Variants in TSHZ1 observed in about 807,000 individuals in gnomAD.
TSHZ1 encodes the protein teashirt zinc finger homeobox 1.
Under a neutral mutation model 67.1 loss-of-function variants are expected in TSHZ1, and 12 were observed. The observed-to-expected ratio is 0.18, with a 90% confidence interval of 0.11 to 0.29. The LOEUF is 0.29. Ranked by LOEUF, TSHZ1 falls within the 10% of genes least tolerant of loss-of-function variation. The probability of loss-of-function intolerance (pLI) is 1.00; values close to 1 mark genes in which losing one functional copy is unlikely to be tolerated. For missense variants in TSHZ1, 1,305 were observed against 1,413.9 expected, an observed-to-expected ratio of 0.92 and a Z score of 1.23; for synonymous variants, 632 against 622.4, an observed-to-expected ratio of 1.02 and a Z score of -0.23.
At chr18:75,239,154 C>T (rs1217177839) in intron 1 of TSHZ1, among the ~76,000 whole-genome samples, 1 of 152,240 alleles carries the variant, frequency 6.6e-6, no homozygotes, top group Non-Finnish European at 1.5e-5. Context: ...GACACAGGGT[C>T]CCCAGGGCTC....
chr18:75,263,157 C>G (rs1212092048), intron 1 of TSHZ1, among the ~76,000 whole-genome samples: 1 of 152,084 alleles, frequency 6.6e-6, no homozygotes, highest in Admixed American at 6.5e-5. Flanking sequence ...AAACATGTTA[C>G]TTGTGGTCAT....
chr18:75,225,750 G>A (rs2022917379), intron 1 of TSHZ1, among the ~76,000 whole-genome samples: 2 of 150,906 alleles, frequency 1.3e-5, no homozygotes, highest in Admixed American at 6.6e-5. Flanking sequence ...TCGGTGGCGG[G>A]TTTTACTTAA....
In TSHZ1 at chr18:75,232,123, GGCT is replaced by G. The variant is rs530385323; in HGVS notation, c.40+20209_40+20211del. Among the ~76,000 whole-genome samples, 11 of 150,346 alleles carry G rather than the reference GGCT, an allele frequency of 7.3e-5. No individual in the cohort carries two copies. In the East Asian group the frequency reaches 2.1e-3, roughly 29 times the overall value. On this transcript the variant is annotated intron_variant, in intron 1 of 1. Coordinates refer to ENST00000580243, the MANE Select transcript of TSHZ1 (RefSeq NM_001308210.2). Reference sequence around the variant, plus strand: ...TGACAGGGTTTCTCCATGTTTGTCAGGCTGGTCTCGAACTCCTGACCTTGGGCG... The same window carrying G: ...TGACAGGGTTTCTCCATGTTTGTCAGGGTCTCGAACTCCTGACCTTGGGCG...
At chr18:75,237,849 G>T (rs2023097736) in intron 1 of TSHZ1, among the ~76,000 whole-genome samples, 1 of 150,038 alleles carries the variant, frequency 6.7e-6, no homozygotes, top group African/African-American at 2.4e-5. Context: ...TTTCACTCTT[G>T]TTGCCCAGGC....
intron 1 of TSHZ1, among the ~76,000 whole-genome samples, chr18:75,278,370 G>A (rs1212270263): frequency 6.6e-6 from 1 of 152,182 alleles, no homozygotes; most frequent in African/African-American, 2.4e-5. Context: ...CAAGGTGCTG[G>A]GTTGCTCCTG....
rs920115356 is a variant in TSHZ1 at position 75,273,182 on chromosome 18, A to G, written c.41-12266A>G. Among the ~76,000 whole-genome samples, 5 of 152,334 alleles carry G rather than the reference A, an allele frequency of 3.3e-5. 1 individual carries two copies. Among genetic ancestry groups the G allele is most frequent in the Admixed American group, 6.5e-5 (1 of 15,294 alleles). On this transcript the variant is annotated intron_variant, in intron 1 of 1. Coordinates refer to ENST00000580243, the MANE Select transcript of TSHZ1 (RefSeq NM_001308210.2). The stretch of plus-strand genomic sequence containing the variant: ...TTCAGCTCTTTAGCAAAGCACCCAC[A>G]CTTGTTCATCTATCCACAGAGCAGC...
chr18:75,264,143 T>C (rs979102978), intron 1 of TSHZ1, among the ~76,000 whole-genome samples: 2 of 152,244 alleles, frequency 1.3e-5, no homozygotes, highest in Non-Finnish European at 2.9e-5. Context: ...ATTTATAAGA[T>C]GATAGTACAA....
At chr18:75,266,530 T>G (rs2023492613) in intron 1 of TSHZ1, among the ~76,000 whole-genome samples, 1 of 152,188 alleles carries the variant, frequency 6.6e-6, no homozygotes, top group Non-Finnish European at 1.5e-5. Flanking sequence ...TAATAGTAAT[T>G]AATGCAGTCC....
At chr18:75,259,283 G>T (rs187645531) in intron 1 of TSHZ1, among the ~76,000 whole-genome samples, 1 of 152,284 alleles carries the variant, frequency 6.6e-6, no homozygotes, top group African/African-American at 2.4e-5. Flanking sequence ...AGTGGCCATT[G>T]CAGTAGCTGC....
chr18:75,273,043 A>T (rs566058708), intron 1 of TSHZ1, among the ~76,000 whole-genome samples: 24 of 152,096 alleles, frequency 1.6e-4, no homozygotes, highest in Admixed American at 5.2e-4. Flanking sequence ...GGGTACAGGG[A>T]TGTTCCATAG....
chr18:75,279,078 T>C (rs1318287655), intron 1 of TSHZ1, among the ~76,000 whole-genome samples: 1 of 151,928 alleles, frequency 6.6e-6, no homozygotes, highest in Non-Finnish European at 1.5e-5. Flanking sequence ...GCCCCTGGCC[T>C]GGGGTGGTGG....
chr18:75,271,811 T>C (rs1339723801), intron 1 of TSHZ1, among the ~76,000 whole-genome samples: 1 of 136,864 alleles, frequency 7.3e-6, no homozygotes, highest in East Asian at 2.5e-4. Flanking sequence ...TCTCTCCAAA[T>C]TAAATGAGTC....
rs561291332 is a variant in TSHZ1, at chr18:75,288,789, A to G, written c.*148A>G. On this transcript the variant is annotated 3_prime_UTR_variant, in exon 2 of 2. Coordinates refer to ENST00000580243, the MANE Select transcript of TSHZ1 (RefSeq NM_001308210.2). This position sits in a 1 kb window ranked among gnomAD's most constrained non-coding sequence, Gnocchi z 4.9. ...TTTCTTACACATATTTTGTATATTTATATGCTCTCTGTCCGATCTGTGCAT... is the reference window on the plus strand; with the variant it reads ...TTTCTTACACATATTTTGTATATTTGTATGCTCTCTGTCCGATCTGTGCAT... The G allele has an allele frequency of 5.7e-4, 750 of 1,312,182 alleles. 1 individual carries two copies. Among genetic ancestry groups the G allele is most frequent in the Admixed American group, 1.4e-3 (45 of 31,838 alleles). 81.3% of individuals were successfully genotyped at this position (1,312,182 alleles called of 1,614,324 possible). A position where few individuals can be genotyped will look rare whatever the true frequency, so the allele number is the denominator to read the frequency against.
chr18:75,272,621 A>G (rs2023571596), intron 1 of TSHZ1, among the ~76,000 whole-genome samples: 1 of 152,216 alleles, frequency 6.6e-6, no homozygotes, highest in Non-Finnish European at 1.5e-5. Flanking sequence ...GTGCTATTTA[A>G]AAAGAATTTA....
At chr18:75,219,543 T>A (rs958206098) in intron 1 of TSHZ1, among the ~76,000 whole-genome samples, 4 of 152,210 alleles carry the variant, frequency 2.6e-5, no homozygotes, top group Non-Finnish European at 5.9e-5. Flanking sequence ...CGGAAGTAGT[T>A]CAGGGTTTTT....
At chr18:75,252,702 T>C (rs1287202911) in intron 1 of TSHZ1, among the ~76,000 whole-genome samples, 3 of 152,208 alleles carry the variant, frequency 2.0e-5, no homozygotes, top group Non-Finnish European at 4.4e-5. Context: ...TTCTAAATGC[T>C]AACTTCATTG....
At chr18:75,228,835 G>A (rs775552360) in intron 1 of TSHZ1, among the ~76,000 whole-genome samples, 4 of 152,158 alleles carry the variant, frequency 2.6e-5, no homozygotes, top group African/African-American at 7.2e-5. Context: ...CCAGGAGCAC[G>A]GATCCCAGCA....
Position 75,288,476 on chromosome 18 carries a change from G to C in TSHZ1, c.3069G>C (p.Leu1023=). The C allele has an allele frequency of 6.2e-7, 1 of 1,614,140 alleles. No individual in the cohort carries two copies. Among genetic ancestry groups the C allele is most frequent in the Non-Finnish European group, 8.5e-7 (1 of 1,180,036 alleles). The change falls in exon 2 of 2, where the codon CTG becomes CTC. Residue 1023 remains leucine, a synonymous_variant. Coordinates refer to ENST00000580243, the MANE Select transcript of TSHZ1 (RefSeq NM_001308210.2). The surrounding 1 kb of genome is among the most constrained non-coding windows in gnomAD (Gnocchi z 4.9). ...NVSKVLTNKT[L]GPLGATEEDL... ...CGAAAGTCCTCACCAACAAAACTCT[G>C]GGCCCACTGGGGGCCACCGAGGAAG... is the stretch of plus-strand genomic sequence containing the variant.
intron 1 of TSHZ1, among the ~76,000 whole-genome samples, chr18:75,255,516 C>A (rs572293472): frequency 7.1e-6 from 1 of 140,500 alleles, no homozygotes; most frequent in African/African-American, 2.6e-5. Flanking sequence ...AGCCAATTGT[C>A]GCATTAAAAA....
Sources: allele counts gnomAD v4.1 joint callset (sites outside exome capture counted in the v4.1 genomes callset), GRCh38; gene constraint gnomAD v4.1.1; non-coding constraint Gnocchi (gnomAD v3.1); transcripts MANE v1.5; gene names NCBI Gene and HGNC (gene_info 2026-07-23, HGNC 2026-07-21).